MYOM1: variants seen among roughly 807,000 people sequenced by gnomAD.
MYOM1 encodes myomesin 1, also known as myomesin-1.
Under a neutral mutation model 205.3 loss-of-function variants are expected in MYOM1, and 164 were observed. That is an observed-to-expected ratio of 0.80 (90% CI 0.70 to 0.91). The LOEUF (loss-of-function observed/expected upper bound fraction) is 0.91. Ranked by LOEUF, MYOM1 falls within the 40% of genes least tolerant of loss-of-function variation. The probability of loss-of-function intolerance (pLI) is 0.00; values close to 1 mark genes in which losing one functional copy is unlikely to be tolerated. For missense variants in MYOM1, 2,011 were observed against 2,127.3 expected (o/e 0.95, Z 1.08); for synonymous variants, 772 against 789.4 (o/e 0.98, Z 0.37).
chr18:3,112,592 T>C (rs997188369), intron 21 of MYOM1, among the ~76,000 whole-genome samples, 180 bp from the exon 22 acceptor site: 1 of 152,234 alleles, frequency 6.6e-6, no homozygotes, highest in African/African-American at 2.4e-5. Context: ...TAGCTGTAGA[T>C]GGTCTTCTCT....
chr18:3,112,183 T>C (rs752211166), intron 22 of MYOM1, 115 bp downstream of exon 22: 2 of 771,294 alleles, frequency 2.6e-6, no homozygotes, highest in Non-Finnish European at 4.3e-6. Context: ...ATCAATTATA[T>C]TCAGATAGCA....
intron 5 of MYOM1, among the ~76,000 whole-genome samples, chr18:3,177,441 A>ATAGCAT (rs2080659085): frequency 8.5e-6 from 1 of 117,220 alleles, no homozygotes; most frequent in African/African-American, 3.3e-5. Context: ...GTTAGAAGCA[A>ATAGCAT]TATCATTATT....
chr18:3,216,251 A>G (rs750769991), intron 1 of MYOM1, among the ~76,000 whole-genome samples: 7 of 152,238 alleles, frequency 4.6e-5, no homozygotes, highest in Non-Finnish European at 1.0e-4. Flanking sequence ...TGGGCAACAG[A>G]GAAAGACTCT....
intron 2 of MYOM1, among the ~76,000 whole-genome samples, chr18:3,198,422 G>C (rs2081020844): frequency 6.6e-6 from 1 of 152,160 alleles, no homozygotes; most frequent in Admixed American, 6.5e-5. Context: ...TGGTCTCAGT[G>C]ATTTTTATAT....
intron 25 of MYOM1, among the ~76,000 whole-genome samples, chr18:3,099,550 G>A (rs1850477023): frequency 6.6e-6 from 1 of 152,142 alleles, no homozygotes; most frequent in Non-Finnish European, 1.5e-5. Context: ...CCCCCATCTG[G>A]CCAGTGGAAC....
intron 25 of MYOM1, among the ~76,000 whole-genome samples, chr18:3,098,240 AT>A (rs532209927): frequency 2.0e-5 from 3 of 152,092 alleles, no homozygotes; most frequent in Admixed American, 6.6e-5. Flanking sequence ...TCAATACCAT[AT>A]TTATTATCTC....
At chr18:3,148,245 G>C (rs929989811) in intron 13 of MYOM1, among the ~76,000 whole-genome samples, 2 of 152,136 alleles carry the variant, frequency 1.3e-5, no homozygotes, top group African/African-American at 2.4e-5. Flanking sequence ...ATTTACACAA[G>C]ACATAAATGA....
intron 3 of MYOM1, among the ~76,000 whole-genome samples, chr18:3,192,827 C>T (rs1249928164): frequency 2.6e-5 from 4 of 152,132 alleles, no homozygotes; most frequent in Non-Finnish European, 2.9e-5. Flanking sequence ...CTGAAGTTTA[C>T]CTCAAAGTAA....
chr18:3,095,282 T>C (rs1441819175), intron 25 of MYOM1, among the ~76,000 whole-genome samples: 1 of 151,916 alleles, frequency 6.6e-6, no homozygotes, highest in Non-Finnish European at 1.5e-5. Context: ...GAAGAGTAAA[T>C]ATAAGGCCGG....
chr18:3,075,069 G>C (rs2079006604), intron 36 of MYOM1, among the ~76,000 whole-genome samples: 1 of 152,144 alleles, frequency 6.6e-6, no homozygotes. Context: ...TGCTAGGATT[G>C]CAGGCGTGAG....
At position 3,135,694 on chromosome 18, in the gene MYOM1, T is replaced by C; in HGVS notation, c.2062A>G (p.Thr688Ala). The change falls in exon 15 of 38, where the codon ACG becomes GCG. Residue 688 changes from threonine (T) to alanine (A), a missense_variant. Physicochemically the swap from Thr to Ala is moderately conservative, Grantham distance 58. Coordinates refer to ENST00000356443, the MANE Select transcript of MYOM1 (RefSeq NM_003803.4). The surrounding 1 kb of genome is among the most constrained non-coding windows in gnomAD (Gnocchi z 4.1). ...AGTENWQRVN[T>A]ELPVKSPRFA... Reference sequence around the variant, plus strand: ...CGGGGAGACTTCACAGGGAGCTCCGTGTTCACTCGCTGCCAGTTTTCTGTT... The same window carrying C: ...CGGGGAGACTTCACAGGGAGCTCCGCGTTCACTCGCTGCCAGTTTTCTGTT... 6.2e-7 allele frequency: 1 copy of C among 1,613,904 alleles called. No individual in the cohort carries two copies.
intron 2 of MYOM1, among the ~76,000 whole-genome samples, chr18:3,213,913 C>T (rs960734192): frequency 2.0e-5 from 3 of 152,156 alleles, no homozygotes; most frequent in African/African-American, 7.2e-5. Flanking sequence ...AAATAGCACC[C>T]TGGGTTCACT....
Position 3,215,201 on chromosome 18 carries a change from C to T in MYOM1, c.23G>A (p.Arg8Lys). 6.2e-7 allele frequency: 1 copy of T among 1,611,918 alleles called. No homozygotes were observed. The highest frequency in any genetic ancestry group is 8.5e-7 in the Non-Finnish European group (1 of 1,178,972). The change falls in exon 2 of 38, where the codon AGG becomes AAG. Residue 8 changes from arginine (R) to lysine (K), a missense_variant. By Grantham distance (26) the Arg-to-Lys change is conservative. Coordinates refer to ENST00000356443, the MANE Select transcript of MYOM1 (RefSeq NM_003803.4). ...GCTGAGATCATAGTGCTGGTGGCAC[C>T]TCTGATAAAAAGGCAAAGACATCCT... MSLPFYQ[R>K]CHQHYDLSYR... is the part of the protein sequence containing the mutation.
intron 10 of MYOM1, among the ~76,000 whole-genome samples, chr18:3,162,883 G>A (rs534465971): frequency 3.0e-4 from 45 of 152,102 alleles, no homozygotes; most frequent in Non-Finnish European, 5.4e-4. Context: ...AAAATTAGCC[G>A]GGCATGGTGG....
At chr18:3,243,747 A>G in the MYOM1 span, among the ~76,000 whole-genome samples, 27 of 152,356 alleles carry the variant, frequency 1.8e-4, no homozygotes, top group African/African-American at 6.5e-4. Flanking sequence ...AGATCATTCA[A>G]GTATTTGAGC....
Position 3,136,289 on chromosome 18 carries a change from T to C in MYOM1, c.2026-559A>G, listed in dbSNP as rs910883127. Among the ~76,000 whole-genome samples the C allele has an allele frequency of 2.6e-5, 4 of 152,216 alleles. No homozygotes were observed. The East Asian group carries it at 7.7e-4, about 29-fold the overall frequency. On this transcript the variant is annotated intron_variant, in intron 14 of 37. Coordinates refer to ENST00000356443, the MANE Select transcript of MYOM1 (RefSeq NM_003803.4). ...ATGAAAATGGACTAATACAGCGTTG[T>C]ATTGTTTGAAAAATATGCTACTTTA... is the stretch of plus-strand genomic sequence containing the variant.
chr18:3,074,267 A>G (rs1678487230), intron 36 of MYOM1, among the ~76,000 whole-genome samples: 1 of 152,134 alleles, frequency 6.6e-6, no homozygotes, highest in Admixed American at 6.5e-5. Flanking sequence ...TGCAGTCCAC[A>G]TACACAGGGC....
intron 11 of MYOM1, among the ~76,000 whole-genome samples, chr18:3,153,346 T>C (rs1257012605): frequency 6.6e-6 from 1 of 152,212 alleles, no homozygotes; most frequent in Non-Finnish European, 1.5e-5. Flanking sequence ...CGGGCCTCAT[T>C]TCCTACTTGA....
chr18:3,084,163 G>A lies in MYOM1; in HGVS notation c.4340-136C>T. On this transcript the variant is annotated intron_variant, in intron 31 of 37. Coordinates refer to ENST00000356443, the MANE Select transcript of MYOM1 (RefSeq NM_003803.4). ...AACAAGGTGAATTTGTCGACCCACT[G>A]ATAATGAGTATTCTTTGAGGAAATA... The A allele has an allele frequency of 6.1e-6, 5 of 821,024 alleles. No homozygotes were observed. In the South Asian group the frequency reaches 7.7e-5, roughly 13 times the overall value. 50.9% of individuals were successfully genotyped at this position (821,024 alleles called of 1,614,324 possible). A position where few individuals can be genotyped will look rare whatever the true frequency, so the allele number is the denominator to read the frequency against.
Sources: gnomAD v4.1 joint callset for allele counts (sites outside exome capture counted in the v4.1 genomes callset) on GRCh38, gnomAD v4.1.1 for gene constraint, Gnocchi (gnomAD v3.1) non-coding constraint, MANE v1.5 for transcripts, NCBI Gene and HGNC (gene_info 2026-07-23, HGNC 2026-07-21) for gene names.